Variants in ANGPT2 observed in about 807,000 individuals in gnomAD.
ANGPT2 encodes the protein angiopoietin-2.
ANGPT2 carries 28 observed loss-of-function variants against 62.9 expected under a neutral mutation model. That is an observed-to-expected ratio of 0.44 (90% confidence interval 0.33 to 0.61). The LOEUF (loss-of-function observed/expected upper bound fraction) is 0.61, where lower values mean the gene tolerates loss of function less well. ANGPT2 is among the 20% of genes least tolerant of loss of function. The probability of loss-of-function intolerance (pLI) is 0.03; values close to 1 mark genes in which losing one functional copy is unlikely to be tolerated. For synonymous variants in ANGPT2, 284 were observed against 207.8 expected (o/e 1.37, Z -3.15); for missense variants, 727 against 594.9 (o/e 1.22, Z -2.31).
At chr8:6,520,213 A>T (rs1005623000) in intron 4 of ANGPT2, among the ~76,000 whole-genome samples, 3 of 152,198 alleles carry the variant, frequency 2.0e-5, no homozygotes, top group Non-Finnish European at 4.4e-5. Context: ...AATTCCATGT[A>T]ATTAAAATAC....
intron 1 of ANGPT2, among the ~76,000 whole-genome samples, chr8:6,557,367 G>C (rs577738856): frequency 1.2e-4 from 18 of 152,268 alleles, no homozygotes; most frequent in African/African-American, 4.3e-4. Flanking sequence ...GCAAAATGAG[G>C]TGAGGTGTGG....
At chr8:6,528,026 G>T (rs1182460594) in intron 2 of ANGPT2, among the ~76,000 whole-genome samples, 2 of 151,798 alleles carry the variant, frequency 1.3e-5, no homozygotes, top group African/African-American at 4.8e-5. Flanking sequence ...CTCCCCAGTA[G>T]CTGGGATTAC....
At chr8:6,554,150 A>T (rs1824166061) in intron 1 of ANGPT2, among the ~76,000 whole-genome samples, 1 of 150,236 alleles carries the variant, frequency 6.7e-6, no homozygotes, top group Non-Finnish European at 1.5e-5. Context: ...TATTAGACTA[A>T]TAGTAGTCTT....
chr8:6,543,083 C>T, intron 1 of ANGPT2, among the ~76,000 whole-genome samples: 1 of 152,172 alleles, frequency 6.6e-6, no homozygotes, highest in East Asian at 1.9e-4. Flanking sequence ...CCCACTGCCT[C>T]TGGACAGAAA....
chr8:6,517,245 T>C lies in ANGPT2; in HGVS notation c.928-2467A>G, dbSNP rs1351253951. 2.0e-5 allele frequency among the ~76,000 whole-genome samples: 3 copies of C among 152,314 alleles called. No individual in the cohort carries two copies. The East Asian group carries it at 5.8e-4, about 29-fold the overall frequency. On this transcript the variant is annotated intron_variant, in intron 5 of 8. Coordinates refer to ENST00000629816, the MANE Select transcript of ANGPT2 (RefSeq NM_001118887.2). The stretch of plus-strand genomic sequence containing the variant: ...CAGTTAATATCTTTAATCTGTCCAC[T>C]GGTGCATGGTGCAGGAACCTGATAT...
chr8:6,554,474 A>C (rs1029676276), intron 1 of ANGPT2, among the ~76,000 whole-genome samples: 1 of 152,154 alleles, frequency 6.6e-6, no homozygotes, highest in Non-Finnish European at 1.5e-5. Flanking sequence ...CAAGATTTCT[A>C]TATCTTAGTA....
chr8:6,512,294 G>T (rs1023651730), intron 7 of ANGPT2, among the ~76,000 whole-genome samples: 1 of 152,136 alleles, frequency 6.6e-6, no homozygotes, highest in Non-Finnish European at 1.5e-5. Context: ...TCTCCGTGCT[G>T]CCCACCACAA....
intron 8 of ANGPT2, among the ~76,000 whole-genome samples, chr8:6,505,822 T>A (rs1290151704): frequency 7.1e-6 from 1 of 140,180 alleles, no homozygotes; most frequent in African/African-American, 2.6e-5. Flanking sequence ...TATATATGTA[T>A]ATATAAAAAC....
intron 1 of ANGPT2, among the ~76,000 whole-genome samples, chr8:6,561,905 T>G (rs2086608263): frequency 6.6e-6 from 1 of 152,186 alleles, no homozygotes; most frequent in African/African-American, 2.4e-5. Context: ...AAGAACAAAC[T>G]GTCAGACAGA....
chr8:6,559,906 C>G (rs139714219), intron 1 of ANGPT2, among the ~76,000 whole-genome samples: 1 of 152,276 alleles, frequency 6.6e-6, no homozygotes, highest in Non-Finnish European at 1.5e-5. Context: ...AGTAAGCTGT[C>G]CTGTATTGTT....
chr8:6,537,359 C>A (rs988704626), intron 1 of ANGPT2, among the ~76,000 whole-genome samples: 2 of 152,074 alleles, frequency 1.3e-5, no homozygotes, highest in East Asian at 3.9e-4. Context: ...TTGGGCTGTT[C>A]TTCCTTTCTC....
At chr8:6,520,520 C>G (rs182135059) in intron 4 of ANGPT2, among the ~76,000 whole-genome samples, 119 of 152,258 alleles carry the variant, frequency 7.8e-4, no homozygotes, top group African/African-American at 2.6e-3. Flanking sequence ...CTCAGCCTCC[C>G]AAGCAGCTGG....
chr8:6,529,847 T>C lies in ANGPT2; in HGVS notation c.445-2171A>G, dbSNP rs142365689. 2.5e-3 allele frequency among the ~76,000 whole-genome samples: 374 copies of C among 150,890 alleles called. 3 individuals carry two copies. Among genetic ancestry groups the C allele is most frequent in the African/African-American group, 7.9e-3 (327 of 41,256 alleles). On this transcript the variant is annotated intron_variant, in intron 2 of 8. Coordinates refer to ENST00000629816, the MANE Select transcript of ANGPT2 (RefSeq NM_001118887.2). Reference sequence around the variant, plus strand: ...CATCTGTTTTCTTATTTTCCTGTTATCCTGGATAACATGATATCTAGTTTC... The same window carrying C: ...CATCTGTTTTCTTATTTTCCTGTTACCCTGGATAACATGATATCTAGTTTC...
intron 1 of ANGPT2, among the ~76,000 whole-genome samples, chr8:6,542,006 T>G (rs1350773115): frequency 9.0e-6 from 1 of 111,522 alleles, no homozygotes; most frequent in African/African-American, 3.6e-5. Flanking sequence ...AGACTCAATC[T>G]CAAAAAAAAA....
chr8:6,553,814 A>G (rs542621380), intron 1 of ANGPT2, among the ~76,000 whole-genome samples: 1 of 152,254 alleles, frequency 6.6e-6, no homozygotes, highest in African/African-American at 2.4e-5. Flanking sequence ...CGGTCCTTAT[A>G]AAGTCCCACG....
chr8:6,513,118 C>A (rs979629967), intron 7 of ANGPT2, among the ~76,000 whole-genome samples: 2 of 152,156 alleles, frequency 1.3e-5, no homozygotes, highest in East Asian at 3.8e-4. Flanking sequence ...ATCTACCAGG[C>A]AGAGTTCTTC....
At chr8:6,504,466 T>G (rs956346193) in intron 8 of ANGPT2, among the ~76,000 whole-genome samples, 1 of 152,152 alleles carries the variant, frequency 6.6e-6, no homozygotes, top group Non-Finnish European at 1.5e-5. Flanking sequence ...ACATCCGGTC[T>G]CCTGATCACT....
At chr8:6,530,467 C>T (rs1819268061) in intron 2 of ANGPT2, among the ~76,000 whole-genome samples, 2 of 146,250 alleles carry the variant, frequency 1.4e-5, no homozygotes, top group Non-Finnish European at 3.0e-5. Flanking sequence ...CGAGATCACA[C>T]CACTGCACTC....
intron 8 of ANGPT2, 143 bp from the exon 9 acceptor site, chr8:6,503,404 C>A (rs1042118378): frequency 1.0e-5 from 8 of 776,560 alleles, no homozygotes; most frequent in Non-Finnish European, 1.7e-5. Flanking sequence ...ATAGGATGTG[C>A]ACTGGCAGAG....
Sources: allele counts gnomAD v4.1 joint callset (sites outside exome capture counted in the v4.1 genomes callset), GRCh38; gene constraint gnomAD v4.1.1; transcripts MANE v1.5; gene names NCBI Gene and HGNC (gene_info 2026-07-23, HGNC 2026-07-21).